Variants in SYNE2 observed in about 807,000 individuals in gnomAD.
SYNE2 encodes the protein spectrin repeat containing nuclear envelope protein 2.
A neutral mutation model predicts 856.3 loss-of-function variants in SYNE2; 431 were observed. The observed-to-expected ratio is 0.50, with a 90% CI of 0.47 to 0.55. The LOEUF is 0.55. Ranked by LOEUF, SYNE2 falls within the 20% of genes least tolerant of loss-of-function variation. The pLI, the probability that SYNE2 is intolerant of heterozygous loss-of-function variation, is 0.00. For synonymous variants in SYNE2, 2,923 were observed against 2,872.3 expected (o/e 1.02, Z -0.56); for missense variants, 8,129 against 8,023.2 (o/e 1.01, Z -0.50).
At chr14:64,179,180 AGGCT>A in intron 96 of SYNE2, among the ~76,000 whole-genome samples, 1 of 152,192 alleles carries the variant, frequency 6.6e-6, no homozygotes, top group South Asian at 2.1e-4. Flanking sequence ...TCTGTCACCC[AGGCT>A]GGAATACAGT....
At chr14:64,124,051 G>A (rs911242508) in intron 70 of SYNE2, among the ~76,000 whole-genome samples, 12 of 151,944 alleles carry the variant, frequency 7.9e-5, no homozygotes, top group Non-Finnish European at 1.6e-4. Flanking sequence ...CTAAAAATAC[G>A]AAAATTAGCT....
intron 103 of SYNE2, 136 bp from the exon 104 acceptor site, chr14:64,211,825 T>TTC: frequency 4.5e-6 from 6 of 1,319,176 alleles, no homozygotes; most frequent in Non-Finnish European, 5.4e-6. Flanking sequence ...TTCTGGGGCT[T>TTC]TCTGGGTACC....
At position 64,069,376 on chromosome 14, in the gene SYNE2, T is replaced by C. The variant is rs536955441; in HGVS notation, c.10432-1269T>C. Reference sequence around the variant, plus strand: ...ACTTCTAATTCAACTGAATTTAGGTTTGAGGTGATGAGAAGCACCCATTGC... The same window carrying C: ...ACTTCTAATTCAACTGAATTTAGGTCTGAGGTGATGAGAAGCACCCATTGC... On this transcript the variant is annotated intron_variant, in intron 51 of 115. Transcript: ENST00000555002. Among the ~76,000 whole-genome samples, 146 of 152,308 alleles carry C rather than the reference T, an allele frequency of 9.6e-4. 1 individual carries two copies. The highest frequency in any genetic ancestry group is 3.4e-3 in the African/African-American group (140 of 41,572).
rs2256191 is a variant in SYNE2 at position 64,190,137 on chromosome 14, T to C, written c.17938T>C (p.Leu5980=). Residue 5980 remains leucine (L), a synonymous_variant, in exon 99 of 116, where the codon TTG becomes CTG. Transcript: ENST00000555002. The part of the protein sequence containing the change: ...KLQLKQMGDQ[L]IKASNKSRAA... ...ACAGTTAAAGCAGATGGGTGACCAG[T>C]TGATCAAGGCCAGCAACAAATCAAG... The C allele has an allele frequency of 0.37, 602,376 of 1,613,720 alleles. 119,799 individuals are homozygous for C. The highest frequency in any genetic ancestry group is 0.75 in the African/African-American group (56,263 of 74,882).
intron 45 of SYNE2, among the ~76,000 whole-genome samples, chr14:64,040,962 A>G (rs1411843062): frequency 6.6e-6 from 1 of 152,110 alleles, no homozygotes; most frequent in East Asian, 1.9e-4. Context: ...AGAATCTTAA[A>G]GGCAACTAGA....
chr14:64,103,685 T>A (rs1595543097), intron 64 of SYNE2, among the ~76,000 whole-genome samples: 1 of 152,138 alleles, frequency 6.6e-6, no homozygotes, highest in East Asian at 1.9e-4. Context: ...CTTCCTTCTC[T>A]ACCTCAGTAC....
In SYNE2 at chr14:64,141,912, A is replaced by G. The variant is rs1567440469; in HGVS notation, c.15160-30A>G. ...CTGATTCATTTTGTTAACTGCAGGC[A>G]ATTAAATGGAAATCATTTTGTTCTT... On this transcript the variant is annotated intron_variant, in intron 81 of 115. Transcript: ENST00000555002. 4 of 1,612,708 alleles carry G rather than the reference A, an allele frequency of 2.5e-6. 1 individual carries two copies. The highest frequency in any genetic ancestry group is 1.6e-4 in the Middle Eastern group (1 of 6,062).
intron 90 of SYNE2, among the ~76,000 whole-genome samples, chr14:64,166,388 G>A (rs2098379252): frequency 6.6e-6 from 1 of 152,226 alleles, no homozygotes; most frequent in Admixed American, 6.5e-5. Flanking sequence ...GCAGAGTTCT[G>A]TAGTGGTAAC....
intron 1 of SYNE2, among the ~76,000 whole-genome samples, chr14:63,860,262 C>T (rs1893167829): frequency 6.7e-6 from 1 of 148,326 alleles, no homozygotes; most frequent in African/African-American, 2.7e-5. Flanking sequence ...ATATTCAGAG[C>T]ACCTGCACTT....
chr14:64,063,218 T>C (rs2097331045), intron 50 of SYNE2, among the ~76,000 whole-genome samples: 1 of 152,118 alleles, frequency 6.6e-6, no homozygotes, highest in Non-Finnish European at 1.5e-5. Flanking sequence ...CAGCTGATTT[T>C]TGTATTTTTA....
rs867740225 is a variant in SYNE2, at chr14:64,010,058, T to G, written c.4670T>G (p.Val1557Gly). Residue 1557 changes from valine (V) to glycine (G), a missense_variant, in exon 32 of 116, where the codon GTC becomes GGC. Transcript: ENST00000555002. Reference protein sequence around the residue: ...LTTLIQKEESVISLQASYMGK... With the variant: ...LTTLIQKEESGISLQASYMGK... ...ACTTTGATTCAAAAAGAAGAGAGTG[T>G]CATCTCCCTGCAGGCTTCGTACATG... The G allele has an allele frequency of 6.2e-7, 1 of 1,614,030 alleles. No homozygotes were observed. The highest frequency in any genetic ancestry group is 2.2e-5 in the East Asian group (1 of 44,870).
Position 64,027,763 on chromosome 14 carries a change from T to C in SYNE2, c.6684T>C (p.His2228=). 1 of 1,614,160 alleles carries C rather than the reference T, an allele frequency of 6.2e-7. No homozygotes were observed. Among genetic ancestry groups the C allele is most frequent in the Non-Finnish European group, 8.5e-7 (1 of 1,180,012 alleles). The change falls in exon 43 of 116, where the codon CAT becomes CAC. Residue 2228 remains histidine (H), a synonymous_variant. Transcript: ENST00000555002. ...FSEEPWLEIK[H]LHESLLQQLQ... ...AAGAGCCTTGGCTGGAAATAAAGCATCTACACGAAAGTCTTCTTCAACAAC... is the reference window on the plus strand; with the variant it reads ...AAGAGCCTTGGCTGGAAATAAAGCACCTACACGAAAGTCTTCTTCAACAAC...
At chr14:63,854,552 T>G (rs1891256850) in intron 1 of SYNE2, among the ~76,000 whole-genome samples, 1 of 152,196 alleles carries the variant, frequency 6.6e-6, no homozygotes, top group Non-Finnish European at 1.5e-5. Context: ...ACAGGTGTAA[T>G]CCTCATTAAG....
At chr14:64,020,609 G>A (rs2096929161) in intron 35 of SYNE2, among the ~76,000 whole-genome samples, 1 of 152,116 alleles carries the variant, frequency 6.6e-6, no homozygotes, top group African/African-American at 2.4e-5. Flanking sequence ...GGTATGGAGG[G>A]CAAATGTTGC....
At chr14:63,942,977 T>A (rs1360812114) in intron 6 of SYNE2, among the ~76,000 whole-genome samples, 1 of 152,226 alleles carries the variant, frequency 6.6e-6, no homozygotes, top group Non-Finnish European at 1.5e-5. Flanking sequence ...TATCATGATA[T>A]CCTGCATTAT....
intron 29 of SYNE2, 117 bp downstream of exon 29, chr14:64,002,198 CAG>C: frequency 3.2e-6 from 3 of 927,280 alleles, no homozygotes; most frequent in Non-Finnish European, 5.0e-6. Context: ...TAAGCCATGA[CAG>C]TTTTTTTTTC....
intron 34 of SYNE2, among the ~76,000 whole-genome samples, chr14:64,019,500 A>C (rs191318432): frequency 6.0e-4 from 91 of 152,330 alleles, no homozygotes; most frequent in African/African-American, 2.2e-3. Context: ...AATAGGTATT[A>C]AGTGAAACTA....
intron 1 of SYNE2, among the ~76,000 whole-genome samples, chr14:63,866,558 CA>C (rs1456123291): frequency 6.6e-6 from 1 of 151,680 alleles, no homozygotes; most frequent in South Asian, 2.1e-4. Context: ...ACCTACAGTG[CA>C]AAAAAAGTGA....
chr14:63,991,058 G>A lies in SYNE2; in HGVS notation c.2589G>A (p.Arg863=), dbSNP rs1366854148. 1.2e-6 allele frequency: 2 copies of A among 1,614,106 alleles called. No homozygotes were observed. Among genetic ancestry groups the A allele is most frequent in the South Asian group, 1.1e-5 (1 of 91,076 alleles). Residue 863 remains arginine, a synonymous_variant, in exon 21 of 116, where the codon AGG becomes AGA. Coordinates refer to ENST00000555002, the MANE Select transcript of SYNE2 (RefSeq NM_182914.3). The part of the protein sequence containing the change: ...SQKELESYMM[R]AQQLLGQRES... ...AGGAACTTGAATCATATATGATGAG[G>A]GCTCAGCAGTTACTGGGGCAAAGAG...
Sources: gnomAD v4.1 joint callset for allele counts (sites outside exome capture counted in the v4.1 genomes callset) on GRCh38, gnomAD v4.1.1 for gene constraint, MANE v1.5 for transcripts, NCBI Gene and HGNC (gene_info 2026-07-23, HGNC 2026-07-21) for gene names.